The following DLC1 variants were observed in gnomAD, a reference collection of about 807,000 sequenced individuals.
The protein encoded by DLC1 is rho GTPase-activating protein 7.
In DLC1, 54 loss-of-function variants were observed where a neutral mutation model predicts 140.3. The observed-to-expected ratio is 0.38, with a 90% CI of 0.31 to 0.48. The LOEUF (loss-of-function observed/expected upper bound fraction) is 0.48. DLC1 is among the 20% of genes least tolerant of loss of function. The pLI is 0.96. For missense variants in DLC1, 2,536 were observed against 1,907.0 expected, an observed-to-expected ratio of 1.33 and a Z score of -6.14; for synonymous variants, 986 against 728.1, an observed-to-expected ratio of 1.35 and a Z score of -5.70.
intron 16 of DLC1, among the ~76,000 whole-genome samples, chr8:13,087,984 G>C (rs1817707202): frequency 6.6e-6 from 1 of 152,204 alleles, no homozygotes; most frequent in African/African-American, 2.4e-5. Context: ...AGTTACCAAA[G>C]AGTTCAGACC....
Position 13,324,448 on chromosome 8 carries a change from G to A in DLC1, c.1315-19146C>T, listed in dbSNP as rs1586139160. Among the ~76,000 whole-genome samples the A allele has an allele frequency of 2.6e-5, 4 of 151,928 alleles. 1 individual carries two copies. The highest frequency in any genetic ancestry group is 9.6e-5 in the African/African-American group (4 of 41,476). ...CTGGGCGTGGTGGCGGGCGCCTGTAGTCCCAGCTACTCGGGAGGCTGAGGC... is the reference window on the plus strand; with the variant it reads ...CTGGGCGTGGTGGCGGGCGCCTGTAATCCCAGCTACTCGGGAGGCTGAGGC... On this transcript the variant is annotated intron_variant, in intron 4 of 17. Transcript: ENST00000276297.
chr8:13,148,936 C>T (rs371857279), intron 5 of DLC1, among the ~76,000 whole-genome samples: 1 of 152,098 alleles, frequency 6.6e-6, no homozygotes, highest in East Asian at 1.9e-4. Flanking sequence ...GGGACTACAG[C>T]TGCCCGTCAC....
intron 5 of DLC1, among the ~76,000 whole-genome samples, chr8:13,164,871 T>C (rs1824986540): frequency 6.6e-6 from 1 of 152,196 alleles, no homozygotes; most frequent in African/African-American, 2.4e-5. Flanking sequence ...GTTGTGATGG[T>C]TATGAAATGG....
intron 5 of DLC1, among the ~76,000 whole-genome samples, chr8:13,171,795 C>T (rs1245120721): frequency 6.6e-6 from 1 of 152,138 alleles, no homozygotes; most frequent in Non-Finnish European, 1.5e-5. Context: ...AGCTAGAGTA[C>T]TTGGAGGCTC....
chr8:13,258,645 G>C (rs985389792), intron 5 of DLC1, among the ~76,000 whole-genome samples: 4 of 152,190 alleles, frequency 2.6e-5, no homozygotes, highest in Non-Finnish European at 5.9e-5. Flanking sequence ...GAAATCTGCT[G>C]TAAGTTGGTT....
chr8:13,374,137 G>T (rs1005922432), intron 4 of DLC1, among the ~76,000 whole-genome samples: 1 of 152,120 alleles, frequency 6.6e-6, no homozygotes, highest in African/African-American at 2.4e-5. Flanking sequence ...TATAATTTTT[G>T]ATTAAACTGA....
chr8:13,478,008 A>G (rs1290369529), intron 2 of DLC1, among the ~76,000 whole-genome samples: 2 of 152,230 alleles, frequency 1.3e-5, no homozygotes, highest in Admixed American at 6.5e-5. Context: ...AAACATGAAC[A>G]TGGTACTAGG....
chr8:13,129,136 C>T (rs1321487993), intron 5 of DLC1, among the ~76,000 whole-genome samples: 1 of 152,206 alleles, frequency 6.6e-6, no homozygotes, highest in African/African-American at 2.4e-5. Flanking sequence ...TAATTTGAAG[C>T]TGAAAGAAAA....
intron 8 of DLC1, among the ~76,000 whole-genome samples, chr8:13,101,686 G>A (rs1282862044): frequency 6.6e-6 from 1 of 152,118 alleles, no homozygotes; most frequent in Non-Finnish European, 1.5e-5. Context: ...CTAGCGCTCA[G>A]GCCACAGCTG....
chr8:13,496,946 G>A (rs1423852143), intron 2 of DLC1, among the ~76,000 whole-genome samples: 4 of 151,508 alleles, frequency 2.6e-5, no homozygotes, highest in African/African-American at 9.7e-5. Context: ...GACTATAGGC[G>A]CCTGCCACCA....
rs1399637305 is a variant in DLC1, at chr8:13,100,755, C to T, written c.1582G>A (p.Glu528Lys). Reference protein sequence around the residue: ...PHRKRSDDSDEDEPCAISGKW... With the variant: ...PHRKRSDDSDKDEPCAISGKW... ...CCACTGATGGCACAAGGCTCATCCT[C>T]GTCTGAATCGTCACTCTGCAAAGAC... is the stretch of plus-strand genomic sequence containing the variant. Residue 528 changes from glutamate to lysine, a missense_variant, in exon 9 of 18, where the codon GAG (glutamate) becomes AAG (lysine). Glu to Lys is a moderately conservative substitution (Grantham distance 56). Transcript: ENST00000276297. The T allele has an allele frequency of 1.9e-6, 3 of 1,565,346 alleles. No individual in the cohort carries two copies. Among genetic ancestry groups the T allele is most frequent in the Non-Finnish European group, 2.6e-6 (3 of 1,157,450 alleles).
At chr8:13,537,777 C>A (rs1007922463) in intron 1 of DLC1, among the ~76,000 whole-genome samples, 1 of 151,408 alleles carries the variant, frequency 6.6e-6, no homozygotes, top group African/African-American at 2.4e-5. Flanking sequence ...CCTCAGCCTC[C>A]TGAGTAGCTA....
chr8:13,362,722 C>T (rs1835290069), intron 4 of DLC1, among the ~76,000 whole-genome samples: 1 of 152,164 alleles, frequency 6.6e-6, no homozygotes, highest in South Asian at 2.1e-4. Flanking sequence ...ACCATAATCT[C>T]TGTCTCTGGT....
chr8:13,381,870 A>G (rs193268598), intron 4 of DLC1, among the ~76,000 whole-genome samples: 2 of 152,166 alleles, frequency 1.3e-5, no homozygotes, highest in Non-Finnish European at 2.9e-5. Context: ...AGGGCACCAT[A>G]ACAAAAAAAC....
intron 4 of DLC1, among the ~76,000 whole-genome samples, chr8:13,343,749 A>G (rs1834182092): frequency 6.6e-6 from 1 of 152,126 alleles, no homozygotes; most frequent in Admixed American, 6.5e-5. Context: ...TAAAGTCAGC[A>G]CTCTAAAAGC....
intron 2 of DLC1, among the ~76,000 whole-genome samples, chr8:13,407,004 T>G (rs1837596822): frequency 6.6e-6 from 1 of 152,244 alleles, no homozygotes; most frequent in Non-Finnish European, 1.5e-5. Flanking sequence ...AACCAGCTGC[T>G]GTCAAAGTTT....
chr8:13,509,021 TA>T (rs1190665945), intron 1 of DLC1, among the ~76,000 whole-genome samples: 1 of 152,194 alleles, frequency 6.6e-6, no homozygotes, highest in Non-Finnish European at 1.5e-5. Context: ...AAGTTGATAT[TA>T]AACGTGTGGC....
chr8:13,104,252 T>A (rs1381042938), intron 7 of DLC1, among the ~76,000 whole-genome samples: 1 of 151,822 alleles, frequency 6.6e-6, no homozygotes, highest in Non-Finnish European at 1.5e-5. Context: ...GCAACAGCCA[T>A]CCTATTGTCA....
At chr8:13,216,445 C>T (rs1471074988) in intron 5 of DLC1, among the ~76,000 whole-genome samples, 1 of 152,092 alleles carries the variant, frequency 6.6e-6, no homozygotes, top group African/African-American at 2.4e-5. Flanking sequence ...ACACACTCTA[C>T]TCCAAGGGGC....
Sources: allele counts gnomAD v4.1 joint callset (sites outside exome capture counted in the v4.1 genomes callset), GRCh38; gene constraint gnomAD v4.1.1; transcripts MANE v1.5; gene names NCBI Gene and HGNC (gene_info 2026-07-23, HGNC 2026-07-21).